Variants in USH2A observed in about 807,000 individuals in gnomAD.
USH2A encodes the protein Usher syndrome 2A (autosomal recessive, mild).
In USH2A, 443 loss-of-function variants were observed where a neutral mutation model predicts 538.9. The ratio of observed to expected loss-of-function variants is 0.82; its 90% CI spans 0.76 to 0.89. The LOEUF is 0.89. USH2A is among the 40% of genes least tolerant of loss of function. The probability of loss-of-function intolerance (pLI) is 0.00; values close to 1 mark genes in which losing one functional copy is unlikely to be tolerated. For synonymous variants in USH2A, 2,413 were observed against 2,273.5 expected (o/e 1.06, Z -1.75); for missense variants, 6,633 against 6,324.8 (o/e 1.05, Z -1.65).
intron 49 of USH2A, 51 bp downstream of exon 49, chr1:215,813,685 T>C: frequency 6.2e-7 from 1 of 1,610,246 alleles, no homozygotes; most frequent in East Asian, 2.2e-5. Context: ...ACCACGTGTT[T>C]ATGTTTTCAG....
chr1:216,090,351 T>A (rs1187665346), intron 22 of USH2A, among the ~76,000 whole-genome samples: 1 of 151,186 alleles, frequency 6.6e-6, no homozygotes, highest in Non-Finnish European at 1.5e-5. Flanking sequence ...ATGTCCACTC[T>A]ACACATTTAA....
At chr1:215,831,935 G>C (rs1161004317) in intron 47 of USH2A, among the ~76,000 whole-genome samples, 1 of 151,720 alleles carries the variant, frequency 6.6e-6, no homozygotes, top group African/African-American at 2.4e-5. Context: ...AAAAACGGGG[G>C]CACTTACTAC....
intron 64 of USH2A, among the ~76,000 whole-genome samples, chr1:215,669,760 T>C (rs1397350429): frequency 1.3e-5 from 2 of 152,230 alleles, no homozygotes; most frequent in African/African-American, 4.8e-5. Flanking sequence ...AGAATTTATT[T>C]ATATTTTTAA....
intron 64 of USH2A, among the ~76,000 whole-genome samples, chr1:215,657,063 A>G (rs1384897574): frequency 6.6e-6 from 1 of 152,266 alleles, no homozygotes; most frequent in Non-Finnish European, 1.5e-5. Context: ...GTATTGGCTA[A>G]GGCCAACAGC....
chr1:215,911,843 C>A (rs895620736), intron 38 of USH2A, among the ~76,000 whole-genome samples: 4 of 151,984 alleles, frequency 2.6e-5, no homozygotes, highest in Admixed American at 2.0e-4. Context: ...ACAAGGGTTC[C>A]CTTTCTCCAC....
chr1:216,249,073 CT>C (rs1014252961), intron 12 of USH2A, among the ~76,000 whole-genome samples: 257 of 150,656 alleles, frequency 1.7e-3, no homozygotes, highest in African/African-American at 5.9e-3. Context: ...TTCTGGGCTT[CT>C]TTTTTTTTCA....
At chr1:216,302,101 T>C (rs927365999) in intron 9 of USH2A, among the ~76,000 whole-genome samples, 2 of 152,238 alleles carry the variant, frequency 1.3e-5, no homozygotes, top group Non-Finnish European at 2.9e-5. Context: ...GCAAAGGTAA[T>C]GTTAGACAAA....
intron 34 of USH2A, among the ~76,000 whole-genome samples, chr1:215,998,390 T>A (rs1668186422): frequency 6.6e-6 from 1 of 152,106 alleles, no homozygotes; most frequent in Admixed American, 6.6e-5. Flanking sequence ...ATTCTGGGGT[T>A]TTATTAAGTG....
chr1:216,064,489 T>C (rs2031287054), intron 30 of USH2A, among the ~76,000 whole-genome samples: 1 of 150,840 alleles, frequency 6.6e-6, no homozygotes, highest in Admixed American at 6.6e-5. Context: ...GAGTGGCCCT[T>C]GCTAGGGATT....
At chr1:215,715,881 A>T (rs1659467793) in intron 61 of USH2A, among the ~76,000 whole-genome samples, 1 of 152,240 alleles carries the variant, frequency 6.6e-6, no homozygotes, top group South Asian at 2.1e-4. Context: ...ATTGCCTGGC[A>T]ATTTTCTTGC....
intron 3 of USH2A, among the ~76,000 whole-genome samples, chr1:216,381,482 GT>G (rs1459772327): frequency 6.6e-6 from 1 of 152,088 alleles, no homozygotes; most frequent in Non-Finnish European, 1.5e-5. Flanking sequence ...TCACGATGAA[GT>G]TTTTTACAAA....
chr1:216,258,317 C>T (rs955432361), intron 11 of USH2A, among the ~76,000 whole-genome samples: 2 of 151,980 alleles, frequency 1.3e-5, no homozygotes, highest in African/African-American at 4.8e-5. Flanking sequence ...ATCAAATATC[C>T]CACGAATCAT....
intron 47 of USH2A, among the ~76,000 whole-genome samples, chr1:215,833,790 A>G (rs1416057812): frequency 6.6e-6 from 1 of 152,092 alleles, no homozygotes. Flanking sequence ...TCTGTAAATC[A>G]CATATGTGAC....
intron 32 of USH2A, among the ~76,000 whole-genome samples, chr1:216,012,664 A>T (rs1335678303): frequency 6.6e-6 from 1 of 152,126 alleles, no homozygotes; most frequent in Non-Finnish European, 1.5e-5. Flanking sequence ...CTTCAGGAAA[A>T]GTAGAACGGA....
chr1:216,178,394 A>G (rs1484109268), intron 20 of USH2A, among the ~76,000 whole-genome samples: 6 of 152,186 alleles, frequency 3.9e-5, no homozygotes, highest in Non-Finnish European at 8.8e-5. Context: ...AAATAATCCA[A>G]AACAAAATAA....
At chr1:215,777,442 T>C (rs1661496425) in intron 55 of USH2A, among the ~76,000 whole-genome samples, 1 of 152,218 alleles carries the variant, frequency 6.6e-6, no homozygotes, top group African/African-American at 2.4e-5. Flanking sequence ...GCTGGTTAAG[T>C]TGATAGATAC....
chr1:216,003,819 T>C (rs917670856), intron 32 of USH2A, among the ~76,000 whole-genome samples: 1 of 152,168 alleles, frequency 6.6e-6, no homozygotes, highest in African/African-American at 2.4e-5. Flanking sequence ...AAACATGGAC[T>C]TCATGAGTAT....
chr1:216,072,934 C>A lies in USH2A; in HGVS notation c.5812G>T (p.Gly1938Cys). The change falls in exon 29 of 72, where the codon GGT (glycine) becomes TGT (cysteine). Residue 1938 changes from glycine to cysteine, a missense_variant. Physicochemically the swap from Gly to Cys is radical, Grantham distance 159. Coordinates refer to ENST00000307340, the MANE Select transcript of USH2A (RefSeq NM_206933.4). ...LYRVIASHEGGSVYSDWSRGR... is the reference protein window; with the variant it reads ...LYRVIASHEGCSVYSDWSRGR... Reference sequence around the variant, plus strand: ...CGACTCCAATCACTATATACTGAACCTCCTTCATGCGAGGCTATCACTCGA... The same window carrying A: ...CGACTCCAATCACTATATACTGAACATCCTTCATGCGAGGCTATCACTCGA... 1 of 1,613,964 alleles carries A rather than the reference C, an allele frequency of 6.2e-7. No individual in the cohort carries two copies. The highest frequency in any genetic ancestry group is 8.5e-7 in the Non-Finnish European group (1 of 1,179,904).
intron 22 of USH2A, 81 bp from the exon 23 acceptor site, chr1:216,089,220 T>G (rs905605677): frequency 6.9e-7 from 1 of 1,459,480 alleles, no homozygotes; most frequent in Non-Finnish European, 9.5e-7. Context: ...ATAAACCAAT[T>G]TACAAGTTTC....
Sources: gnomAD v4.1 joint callset for allele counts (sites outside exome capture counted in the v4.1 genomes callset) on GRCh38, gnomAD v4.1.1 for gene constraint, MANE v1.5 for transcripts, NCBI Gene and HGNC (gene_info 2026-07-23, HGNC 2026-07-21) for gene names.